The following BTRC variants were observed in gnomAD, a reference collection of about 807,000 sequenced individuals.
BTRC encodes the protein F-box/WD repeat-containing protein 1A.
A neutral mutation model predicts 85.5 loss-of-function variants in BTRC; 42 were observed. The ratio of observed to expected loss-of-function variants is 0.49; its 90% CI spans 0.38 to 0.64. BTRC has a LOEUF of 0.64. Among genes scored for constraint, BTRC ranks in the 30% least tolerant of loss-of-function variants. The pLI, the probability that BTRC is intolerant of heterozygous loss-of-function variation, is 0.00. For missense variants in BTRC, 594 were observed against 743.5 expected, an observed-to-expected ratio of 0.80 and a Z score of 2.34; for synonymous variants, 255 against 263.3, an observed-to-expected ratio of 0.97 and a Z score of 0.30.
intron 3 of BTRC, among the ~76,000 whole-genome samples, chr10:101,474,263 A>G (rs946686575): frequency 2.6e-5 from 4 of 152,174 alleles, no homozygotes; most frequent in African/African-American, 7.2e-5. Context: ...GCTGATCACT[A>G]TGACCTTGTG....
At chr10:101,516,013 A>G (rs763043127) in intron 4 of BTRC, among the ~76,000 whole-genome samples, 2 of 152,172 alleles carry the variant, frequency 1.3e-5, no homozygotes, top group Non-Finnish European at 2.9e-5. Context: ...TGGTTATGTG[A>G]GTATGTTCAC....
intron 13 of BTRC, among the ~76,000 whole-genome samples, chr10:101,540,530 T>C (rs1401173740): frequency 6.6e-6 from 1 of 152,238 alleles, no homozygotes; most frequent in Non-Finnish European, 1.5e-5. Context: ...TTTTACCAAC[T>C]CTTGAAGTCA....
At chr10:101,496,864 A>G (rs535057186) in intron 4 of BTRC, among the ~76,000 whole-genome samples, 26 of 152,248 alleles carry the variant, frequency 1.7e-4, no homozygotes, top group African/African-American at 4.8e-4. Flanking sequence ...TATGTATTGC[A>G]TATATTTCTC....
chr10:101,483,984 TA>T (rs973843535), intron 4 of BTRC, among the ~76,000 whole-genome samples: 1 of 152,246 alleles, frequency 6.6e-6, no homozygotes, highest in African/African-American at 2.4e-5. Flanking sequence ...AATTTACCCT[TA>T]CCCACACCCA....
chr10:101,373,563 T>A (rs1464771873), intron 1 of BTRC, among the ~76,000 whole-genome samples: 1 of 152,120 alleles, frequency 6.6e-6, no homozygotes, highest in East Asian at 1.9e-4. Flanking sequence ...TGGGTGAAGA[T>A]ATTGGGATGG....
intron 4 of BTRC, among the ~76,000 whole-genome samples, chr10:101,487,067 G>C (rs1946008447): frequency 6.6e-6 from 1 of 152,000 alleles, no homozygotes; most frequent in Admixed American, 6.6e-5. Flanking sequence ...AAATAATTTT[G>C]ATTCCTAAGT....
At chr10:101,450,091 A>T (rs1458206688) in intron 2 of BTRC, among the ~76,000 whole-genome samples, 2 of 151,324 alleles carry the variant, frequency 1.3e-5, no homozygotes, top group Non-Finnish European at 2.9e-5. Flanking sequence ...AAAAACCTGT[A>T]AAGTTTAAAT....
At chr10:101,536,675 A>G (rs762104685) in intron 12 of BTRC, 22 bp downstream of exon 12, 7 of 1,534,886 alleles carry the variant, frequency 4.6e-6, no homozygotes, top group Non-Finnish European at 6.3e-6. Flanking sequence ...AACAGAGTGT[A>G]AAAAAGAGAA....
intron 1 of BTRC, among the ~76,000 whole-genome samples, chr10:101,364,280 A>G (rs80321721): frequency 0.023 from 3,564 of 152,220 alleles, 61 homozygotes; most frequent in Non-Finnish European, 0.033. Context: ...TCTTCTCTTC[A>G]TGTTATGTAG....
intron 1 of BTRC, among the ~76,000 whole-genome samples, chr10:101,406,524 CTTTTTTTTTTT>C (rs58902120): frequency 2.8e-4 from 14 of 50,426 alleles, no homozygotes; most frequent in Admixed American, 1.0e-3. Flanking sequence ...TCTCAGGTTT[CTTTTTTTTTTT>C]TTTTTTTTTT....
intron 2 of BTRC, among the ~76,000 whole-genome samples, chr10:101,445,699 G>A (rs147520006): frequency 3.3e-5 from 5 of 152,158 alleles, no homozygotes; most frequent in South Asian, 2.1e-4. Flanking sequence ...GTGTATAATC[G>A]CTTTGGTTTA....
intron 1 of BTRC, among the ~76,000 whole-genome samples, chr10:101,368,723 A>G (rs1398587399): frequency 6.6e-6 from 1 of 151,968 alleles, no homozygotes; most frequent in East Asian, 1.9e-4. Context: ...CTCACTTAAT[A>G]TCGTCTTTTT....
intron 5 of BTRC, 33 bp downstream of exon 5, chr10:101,521,903 T>G (rs1454035412): frequency 1.3e-6 from 2 of 1,523,224 alleles, no homozygotes; most frequent in African/African-American, 1.4e-5. Context: ...ACCATTAATT[T>G]GCTATGATGA....
At chr10:101,493,291 C>T (rs1946180022) in intron 4 of BTRC, among the ~76,000 whole-genome samples, 2 of 152,146 alleles carry the variant, frequency 1.3e-5, no homozygotes, top group Admixed American at 6.5e-5. Context: ...ATTTGACAGC[C>T]TTTTTGCACC....
chr10:101,498,086 A>G (rs1946310151), intron 4 of BTRC, among the ~76,000 whole-genome samples: 1 of 152,134 alleles, frequency 6.6e-6, no homozygotes, highest in Admixed American at 6.5e-5. Context: ...TTTGTGTGAC[A>G]TATACACACA....
At chr10:101,528,532 AT>A (rs2062233778) in intron 6 of BTRC, among the ~76,000 whole-genome samples, 2 of 152,114 alleles carry the variant, frequency 1.3e-5, no homozygotes, top group South Asian at 4.1e-4. Flanking sequence ...TTCTGACTAT[AT>A]CCCCTTGTCT....
chr10:101,399,251 A>G (rs9645568), intron 1 of BTRC, among the ~76,000 whole-genome samples: 54,742 of 151,374 alleles, frequency 0.36, 10,975 homozygotes, highest in Middle Eastern at 0.49. Context: ...CATCATGCCT[A>G]TCCAGAAACC....
chr10:101,377,900 G>T (rs887562506), intron 1 of BTRC, among the ~76,000 whole-genome samples: 2 of 151,830 alleles, frequency 1.3e-5, no homozygotes, highest in Non-Finnish European at 2.9e-5. Context: ...GTGACCTTTG[G>T]TGTGTAGAAC....
intron 5 of BTRC, among the ~76,000 whole-genome samples, chr10:101,523,639 C>A (rs2062151716): frequency 6.6e-6 from 1 of 152,080 alleles, no homozygotes; most frequent in African/African-American, 2.4e-5. Flanking sequence ...TACTGATTTG[C>A]TAAGTTATTA....
Sources: allele counts gnomAD v4.1 joint callset (sites outside exome capture counted in the v4.1 genomes callset), GRCh38; gene constraint gnomAD v4.1.1; transcripts MANE v1.5; gene names NCBI Gene and HGNC (gene_info 2026-07-23, HGNC 2026-07-21).